CREB3L2: variants seen among roughly 807,000 people sequenced by gnomAD.
CREB3L2 encodes the protein cyclic AMP-responsive element-binding protein 3-like protein 2.
CREB3L2 carries 23 observed loss-of-function variants against 57.2 expected under a neutral mutation model. The observed-to-expected ratio is 0.40, with a 90% CI of 0.29 to 0.57. CREB3L2 has a LOEUF of 0.57. Ranked by LOEUF, CREB3L2 falls within the 20% of genes least tolerant of loss-of-function variation. The pLI is 0.42. For missense variants in CREB3L2, 628 were observed against 634.7 expected, an observed-to-expected ratio of 0.99 and a Z score of 0.11; for synonymous variants, 268 against 265.1, an observed-to-expected ratio of 1.01 and a Z score of -0.11.
chr7:137,905,505 A>T (rs760114508), intron 6 of CREB3L2, among the ~76,000 whole-genome samples, 197 bp downstream of exon 6: 41 of 151,386 alleles, frequency 2.7e-4, no homozygotes, highest in Non-Finnish European at 2.1e-4. Flanking sequence ...GCTGGCCTCA[A>T]GAGGGATGGG....
chr7:137,887,282 T>G (rs1799440363), intron 8 of CREB3L2, among the ~76,000 whole-genome samples: 1 of 152,222 alleles, frequency 6.6e-6, no homozygotes, highest in African/African-American at 2.4e-5. Flanking sequence ...ATGAAACAAG[T>G]TCTCCCAATT....
chr7:137,889,863 C>T (rs369123591), intron 8 of CREB3L2, among the ~76,000 whole-genome samples: 2 of 152,178 alleles, frequency 1.3e-5, no homozygotes, highest in East Asian at 3.8e-4. Context: ...GAACTACATA[C>T]GCTAAAATAC....
intron 1 of CREB3L2, among the ~76,000 whole-genome samples, chr7:137,982,351 T>A (rs1001137607): frequency 6.6e-6 from 1 of 152,144 alleles, no homozygotes; most frequent in Non-Finnish European, 1.5e-5. Flanking sequence ...CTTGGGAACC[T>A]TATGAAACTC....
At chr7:137,959,451 C>G (rs1195731379) in intron 1 of CREB3L2, among the ~76,000 whole-genome samples, 4 of 152,172 alleles carry the variant, frequency 2.6e-5, no homozygotes. Context: ...CACCTGAGCA[C>G]AGACTCATAG....
chr7:137,899,007 A>G (rs1448823527), intron 8 of CREB3L2, among the ~76,000 whole-genome samples: 2 of 144,614 alleles, frequency 1.4e-5, no homozygotes, highest in African/African-American at 5.3e-5. Flanking sequence ...AGGAAGGAGA[A>G]GGGGAAAGGA....
At chr7:137,932,735 A>G (rs898222633) in intron 1 of CREB3L2, among the ~76,000 whole-genome samples, 1 of 152,208 alleles carries the variant, frequency 6.6e-6, no homozygotes, top group Admixed American at 6.5e-5. Context: ...ACAAGTTCAA[A>G]TATGCCCAAG....
chr7:137,892,662 C>T (rs187316910), intron 8 of CREB3L2, among the ~76,000 whole-genome samples: 3 of 152,036 alleles, frequency 2.0e-5, no homozygotes, highest in Admixed American at 2.0e-4. Context: ...AAAAACAAAA[C>T]TCAGGTGATG....
At chr7:137,982,590 C>T (rs1801729452) in intron 1 of CREB3L2, among the ~76,000 whole-genome samples, 1 of 152,200 alleles carries the variant, frequency 6.6e-6, no homozygotes, top group Non-Finnish European at 1.5e-5. Context: ...AGTTCCCTTG[C>T]ACAAGCTCTC....
intron 4 of CREB3L2, among the ~76,000 whole-genome samples, chr7:137,909,086 C>A (rs1056800445): frequency 2.6e-5 from 4 of 152,128 alleles, no homozygotes; most frequent in Admixed American, 6.6e-5. Flanking sequence ...GGTGACAGAG[C>A]GAGAATCCAT....
At chr7:137,952,925 C>A (rs1801132012) in intron 1 of CREB3L2, among the ~76,000 whole-genome samples, 1 of 152,204 alleles carries the variant, frequency 6.6e-6, no homozygotes, top group Non-Finnish European at 1.5e-5. Context: ...TCCAGCGATT[C>A]TCCTGCCTCA....
intron 1 of CREB3L2, among the ~76,000 whole-genome samples, chr7:137,954,328 C>T (rs998068011): frequency 1.3e-5 from 2 of 152,138 alleles, no homozygotes; most frequent in African/African-American, 4.8e-5. Flanking sequence ...TAATCCACAG[C>T]TTACAAATAC....
chr7:137,992,957 C>A (rs1801926760), intron 1 of CREB3L2, among the ~76,000 whole-genome samples: 2 of 152,158 alleles, frequency 1.3e-5, no homozygotes, highest in African/African-American at 4.8e-5. Flanking sequence ...TGACCACGCA[C>A]TTGAGAAAAC....
chr7:137,919,893 T>C (rs540342850), intron 2 of CREB3L2, among the ~76,000 whole-genome samples: 1 of 152,286 alleles, frequency 6.6e-6, no homozygotes, highest in Admixed American at 6.5e-5. Context: ...TGGATAATCG[T>C]TCAGAACATG....
At chr7:137,995,659 A>G (rs910782249) in intron 1 of CREB3L2, among the ~76,000 whole-genome samples, 3 of 152,128 alleles carry the variant, frequency 2.0e-5, no homozygotes, top group Non-Finnish European at 4.4e-5. Flanking sequence ...AACCTCTTGC[A>G]ACATGAGATA....
At chr7:137,937,741 G>A (rs1445380548) in intron 1 of CREB3L2, among the ~76,000 whole-genome samples, 1 of 151,638 alleles carries the variant, frequency 6.6e-6, no homozygotes, top group Admixed American at 6.6e-5. Flanking sequence ...TTTTGGGGAG[G>A]GTGTTTTGTT....
Position 138,001,588 on chromosome 7 carries a change from C to A in CREB3L2, c.102+16G>T. 1 of 1,598,932 alleles carries A rather than the reference C, an allele frequency of 6.3e-7. No homozygotes were observed. The highest frequency in any genetic ancestry group is 8.5e-7 in the Non-Finnish European group (1 of 1,170,110). On this transcript the variant is annotated intron_variant, in intron 1 of 11. Transcript: ENST00000330387. The surrounding 1 kb of genome is among the most constrained non-coding windows in gnomAD (Gnocchi z 4.2). The stretch of plus-strand genomic sequence containing the variant: ...CCGCTTTGAAAGCCCTCCTGCCCCG[C>A]CCGCCGGGTCCTCACCGTGTGGTAC...
intron 1 of CREB3L2, among the ~76,000 whole-genome samples, chr7:137,938,116 T>G (rs1245713473): frequency 6.6e-6 from 1 of 152,208 alleles, no homozygotes; most frequent in Non-Finnish European, 1.5e-5. Flanking sequence ...TTTATACATT[T>G]GTCCAAATCT....
chr7:137,994,019 T>C (rs1801943749), intron 1 of CREB3L2, among the ~76,000 whole-genome samples: 1 of 152,236 alleles, frequency 6.6e-6, no homozygotes, highest in Non-Finnish European at 1.5e-5. Flanking sequence ...GTGCATCCAC[T>C]GAGCAGGGAA....
chr7:137,967,797 C>T (rs1226261390), intron 1 of CREB3L2, among the ~76,000 whole-genome samples: 1 of 152,206 alleles, frequency 6.6e-6, no homozygotes, highest in Non-Finnish European at 1.5e-5. Flanking sequence ...GGCAGCTCAG[C>T]CTCATGTTGG....
Sources: allele counts gnomAD v4.1 joint callset (sites outside exome capture counted in the v4.1 genomes callset), GRCh38; gene constraint gnomAD v4.1.1; non-coding constraint Gnocchi (gnomAD v3.1); transcripts MANE v1.5; gene names NCBI Gene and HGNC (gene_info 2026-07-23, HGNC 2026-07-21).